EMSY: variants seen among roughly 807,000 people sequenced by gnomAD.
The protein encoded by EMSY is EMSY transcriptional repressor, BRCA2 interacting.
A neutral mutation model predicts 134.6 loss-of-function variants in EMSY; 26 were observed. The ratio of observed to expected loss-of-function variants is 0.19; its 90% CI spans 0.14 to 0.27. The LOEUF is 0.27. EMSY is among the 10% of genes least tolerant of loss of function. EMSY has a pLI of 1.00. For synonymous variants in EMSY, 579 were observed against 577.8 expected, an observed-to-expected ratio of 1.00 and a Z score of -0.03; for missense variants, 1,305 against 1,611.4, an observed-to-expected ratio of 0.81 and a Z score of 3.26.
intron 3 of EMSY, 87 bp from the exon 4 acceptor site, chr11:76,453,227 C>A (rs1947738427): frequency 8.1e-7 from 1 of 1,231,736 alleles, no homozygotes; most frequent in Non-Finnish European, 1.2e-6. Context: ...CCCTTCTCCC[C>A]CCAAAAATGT....
chr11:76,515,820 T>C (rs1259892786), intron 10 of EMSY, among the ~76,000 whole-genome samples: 3 of 152,252 alleles, frequency 2.0e-5, no homozygotes, highest in African/African-American at 4.8e-5. Context: ...TGATTAAATT[T>C]GTTTCTTTTG....
intron 13 of EMSY, among the ~76,000 whole-genome samples, chr11:76,528,027 G>C (rs945821062): frequency 6.6e-6 from 1 of 151,964 alleles, no homozygotes; most frequent in Non-Finnish European, 1.5e-5. Context: ...CAGGCACAAA[G>C]GTTCTTGTCA....
intron 7 of EMSY, among the ~76,000 whole-genome samples, chr11:76,472,254 A>T (rs1948601528): frequency 6.6e-6 from 1 of 152,224 alleles, no homozygotes; most frequent in Non-Finnish European, 1.5e-5. Flanking sequence ...TGAATGTTTA[A>T]ATTACTTTCT....
At chr11:76,549,898 G>A in intron 20 of EMSY, 54 bp from the exon 22 acceptor site, 1 of 1,350,644 alleles carries the variant, frequency 7.4e-7, no homozygotes, top group East Asian at 2.4e-5. Context: ...TGTTGGGGAA[G>A]TTATTCTGCT....
intron 7 of EMSY, among the ~76,000 whole-genome samples, chr11:76,468,440 T>C (rs541016645): frequency 6.6e-6 from 1 of 152,362 alleles, no homozygotes; most frequent in East Asian, 1.9e-4. Flanking sequence ...TCTTGTGTAC[T>C]CAATGCCATT....
chr11:76,511,490 G>A (rs1423890656), intron 9 of EMSY, among the ~76,000 whole-genome samples: 1 of 152,050 alleles, frequency 6.6e-6, no homozygotes, highest in Non-Finnish European at 1.5e-5. Flanking sequence ...TTGAGGTCAG[G>A]AGTTCAAAAC....
intron 2 of EMSY, among the ~76,000 whole-genome samples, chr11:76,451,095 C>A (rs1488278479): frequency 2.0e-5 from 3 of 152,102 alleles, no homozygotes; most frequent in African/African-American, 7.2e-5. Flanking sequence ...CTGCACCCGG[C>A]CTGACAGTTT....
chr11:76,453,201 C>G (rs1353413255), intron 3 of EMSY, 113 bp from the exon 4 acceptor site: 1 of 836,316 alleles, frequency 1.2e-6, no homozygotes, highest in Non-Finnish European at 1.9e-6. Context: ...TATCTTTTCA[C>G]AAAGCAATCT....
At chr11:76,518,241 T>C (rs2508741) in intron 11 of EMSY, among the ~76,000 whole-genome samples, 85,697 of 148,558 alleles carry the variant, frequency 0.58, 25,684 homozygotes, top group East Asian at 0.82. Flanking sequence ...ATGATTGGCT[T>C]GTTACAGCGT....
At chr11:76,518,586 AC>A (rs1194984569) in intron 11 of EMSY, among the ~76,000 whole-genome samples, 1 of 150,530 alleles carries the variant, frequency 6.6e-6, no homozygotes, top group Non-Finnish European at 1.5e-5. Flanking sequence ...AAAATTAAAA[AC>A]CTTTGATTTT....
intron 10 of EMSY, among the ~76,000 whole-genome samples, chr11:76,514,878 A>G (rs1479540830): frequency 1.3e-5 from 2 of 152,192 alleles, no homozygotes; most frequent in Non-Finnish European, 2.9e-5. Context: ...TAAATAGATA[A>G]CAGTGTTATG....
intron 9 of EMSY, among the ~76,000 whole-genome samples, chr11:76,504,830 A>G (rs919279772): frequency 6.6e-6 from 1 of 152,242 alleles, no homozygotes; most frequent in African/African-American, 2.4e-5. Flanking sequence ...CCATAAAAGG[A>G]ATGAAGTACT....
At chr11:76,449,189 T>C (rs958156732) in intron 2 of EMSY, among the ~76,000 whole-genome samples, 6 of 152,212 alleles carry the variant, frequency 3.9e-5, no homozygotes, top group African/African-American at 9.6e-5. Flanking sequence ...TGAAAAATAA[T>C]ACCAGAAATT....
chr11:76,497,252 T>A (rs1266612818), intron 9 of EMSY: 1 of 152,226 alleles, frequency 6.6e-6, no homozygotes, highest in Non-Finnish European at 1.5e-5. Context: ...ATATAATTTT[T>A]AAAAATACAT....
intron 16 of EMSY, among the ~76,000 whole-genome samples, chr11:76,539,069 CTG>C (rs1178119449): frequency 6.6e-6 from 1 of 152,150 alleles, no homozygotes; most frequent in Non-Finnish European, 1.5e-5. Flanking sequence ...CAGCAAAACA[CTG>C]AGATTTTTAG....
At chr11:76,521,765 T>TAAAAA (rs757237301) in intron 11 of EMSY, among the ~76,000 whole-genome samples, 1 of 127,032 alleles carries the variant, frequency 7.9e-6, no homozygotes, top group South Asian at 2.6e-4. Flanking sequence ...CTGTTTCTCT[T>TAAAAA]AAAAAAAAAA....
chr11:76,535,862 A>G, intron 14 of EMSY, 33 bp from the exon 16 acceptor site: 1 of 1,392,166 alleles, frequency 7.2e-7, no homozygotes, highest in South Asian at 1.8e-5. Context: ...CTTTGTTTAT[A>G]GGGTTTGTTT....
chr11:76,516,551 G>A (rs17134939), intron 11 of EMSY: 4,866 of 276,686 alleles, frequency 0.018, 243 homozygotes, highest in African/African-American at 0.1. Flanking sequence ...TAGTCAGAGT[G>A]GAAAGATTAT....
chr11:76,461,281 A>T (rs1395547393), intron 6 of EMSY, among the ~76,000 whole-genome samples: 1 of 152,180 alleles, frequency 6.6e-6, no homozygotes, highest in African/African-American at 2.4e-5. Flanking sequence ...ATTTCTTTGT[A>T]ACTTAGAGGT....
Sources: gnomAD v4.1 joint callset for allele counts (sites outside exome capture counted in the v4.1 genomes callset) on GRCh38, gnomAD v4.1.1 for gene constraint, MANE v1.5 for transcripts, NCBI Gene and HGNC (gene_info 2026-07-23, HGNC 2026-07-21) for gene names.